ACO2: variants seen among roughly 807,000 people sequenced by gnomAD.
ACO2 encodes aconitate hydratase, mitochondrial.
ACO2 carries 31 observed loss-of-function variants against 84.5 expected under a neutral mutation model. That is an observed-to-expected ratio of 0.37 (90% CI 0.28 to 0.50). The LOEUF (loss-of-function observed/expected upper bound fraction) is 0.50, where lower values mean the gene tolerates loss of function less well. ACO2 is among the 20% of genes least tolerant of loss of function. The pLI is 0.97. For synonymous variants in ACO2, 414 were observed against 412.7 expected (o/e 1.00, Z -0.04); for missense variants, 685 against 1,029.3 (o/e 0.67, Z 4.58).
At chr22:41,525,783 C>T (rs574732047) in intron 14 of ACO2, 8 of 208,192 alleles carry the variant, frequency 3.8e-5, no homozygotes, top group South Asian at 2.1e-4. Context: ...TGTTTGGCAC[C>T]GACCAAAAAC....
At chr22:41,472,871 G>A (rs1023772080) in intron 1 of ACO2, among the ~76,000 whole-genome samples, 7 of 152,164 alleles carry the variant, frequency 4.6e-5, no homozygotes, top group Non-Finnish European at 7.4e-5. Flanking sequence ...TAGGTGTTTG[G>A]TTTTGCCTTG....
At chr22:41,487,204 G>A (rs1160883074) in intron 1 of ACO2, among the ~76,000 whole-genome samples, 2 of 152,116 alleles carry the variant, frequency 1.3e-5, no homozygotes, top group East Asian at 3.8e-4. Flanking sequence ...TCTTTCAGTT[G>A]CAAGTGCTTT....
chr22:41,475,502 C>G (rs897194069), intron 1 of ACO2, among the ~76,000 whole-genome samples: 1 of 152,056 alleles, frequency 6.6e-6, no homozygotes, highest in Non-Finnish European at 1.5e-5. Flanking sequence ...TGACTTGCCT[C>G]GTTTTCCCAG....
rs1363202301 is a variant in ACO2, at chr22:41,527,972, C to A, written c.2158C>A (p.Pro720Thr). 6.2e-7 allele frequency: 1 copy of A among 1,614,102 alleles called. No homozygotes were observed. The highest frequency in any genetic ancestry group is 1.3e-5 in the African/African-American group (1 of 74,952). ...CCCGGCTGACTACAACAAGATTCAC[C>A]CTGTGGACAAGCTGACCATTCAGGG... The part of the protein sequence containing the change: ...ADPADYNKIH[P>T]VDKLTIQGLK... Residue 720 changes from proline to threonine, a missense_variant, in exon 17 of 18, where the codon CCT becomes ACT. Physicochemically the swap from Pro to Thr is conservative, Grantham distance 38 (BLOSUM62 -1). Around this residue, in one of 5 missense-constraint regions of ACO2, gnomAD observed 174 missense variants for 236.6 expected, o/e 0.74. Transcript: ENST00000216254.
At position 41,469,124 on chromosome 22, in the gene ACO2, C is replaced by T. The variant is rs758983585; in HGVS notation, c.-23C>T. 64 of 1,605,892 alleles carry T rather than the reference C, an allele frequency of 4.0e-5. No individual in the cohort carries two copies. Among genetic ancestry groups the T allele is most frequent in the Non-Finnish European group, 5.4e-5 (64 of 1,175,952 alleles). ...CGTGTGGGACGTCACTTTAATGCGA[C>T]CTCATCTTTGTCAGTGCACAAAATG... On this transcript the variant is annotated 5_prime_UTR_variant, in exon 1 of 18. Transcript: ENST00000216254.
intron 1 of ACO2, among the ~76,000 whole-genome samples, chr22:41,493,870 C>G (rs2066292395): frequency 6.6e-6 from 1 of 152,168 alleles, no homozygotes; most frequent in Non-Finnish European, 1.5e-5. Context: ...ACCAGTCTGA[C>G]CAATATGGCA....
chr22:41,517,697 G>A (rs2066486669), intron 7 of ACO2, 66 bp downstream of exon 7: 2 of 1,414,708 alleles, frequency 1.4e-6, no homozygotes, highest in East Asian at 2.3e-5. Context: ...CCAAGACAGA[G>A]CTATGCCTTT....
Position 41,522,960 on chromosome 22 carries a change from C to A in ACO2, c.1269C>A (p.Ile423=). Residue 423 remains isoleucine (I), a synonymous_variant, in exon 10 of 18, where the codon ATC becomes ATA. Coordinates refer to ENST00000216254, the MANE Select transcript of ACO2 (RefSeq NM_001098.3). ...QFTITPGSEQ[I]RATIERDGYA... ...CCATCACTCCAGGTTCCGAGCAGAT[C>A]CGCGCCACCATTGAGCGGGACGGCT... 1 of 1,614,218 alleles carries A rather than the reference C, an allele frequency of 6.2e-7. No individual in the cohort carries two copies. The highest frequency in any genetic ancestry group is 8.5e-7 in the Non-Finnish European group (1 of 1,180,048).
intron 8 of ACO2, 132 bp downstream of exon 8, chr22:41,518,704 C>T: frequency 1.4e-6 from 1 of 692,880 alleles, no homozygotes; most frequent in Admixed American, 2.3e-5. Flanking sequence ...GAGGCCAAGG[C>T]AGGTGGGTCA....
chr22:41,499,879 G>A lies in ACO2; in HGVS notation c.173+17G>A, dbSNP rs890516814. On this transcript the variant is annotated intron_variant, in intron 2 of 17. Coordinates refer to ENST00000216254, the MANE Select transcript of ACO2 (RefSeq NM_001098.3). ...TCGCAAACGGTAAGGCTGCAGATGG[G>A]AGGCTGTGACTGTCAAGGGCATTGC... is the stretch of plus-strand genomic sequence containing the variant. 21 of 1,613,314 alleles carry A rather than the reference G, an allele frequency of 1.3e-5. No homozygotes were observed. The highest frequency in any genetic ancestry group is 1.8e-5 in the Non-Finnish European group (21 of 1,179,532).
At position 41,506,084 on chromosome 22, in the gene ACO2, T is replaced by G. The variant is rs182200093; in HGVS notation, c.174-1707T>G. ...TCAGGTTTGGGCTTTTTTGTTTTTT[T>G]TTTGTTTGTTTGTTTTTATTAGAGA... On this transcript the variant is annotated intron_variant, in intron 2 of 17. Coordinates refer to ENST00000216254, the MANE Select transcript of ACO2 (RefSeq NM_001098.3). 3.4e-3 allele frequency among the ~76,000 whole-genome samples: 520 copies of G among 152,072 alleles called. 3 individuals are homozygous for G. The highest frequency in any genetic ancestry group is 0.024 in the Middle Eastern group (7 of 294).
In ACO2 at chr22:41,523,005, C is replaced by T. The variant is rs200176862; in HGVS notation, c.1296+18C>T. ...ACGGCTATGTGAGTGCCCATATCCCCCTGCCCATCTCCCCCACCCCATGCT... is the reference window on the plus strand; with the variant it reads ...ACGGCTATGTGAGTGCCCATATCCCTCTGCCCATCTCCCCCACCCCATGCT... On this transcript the variant is annotated intron_variant, in intron 10 of 17. Coordinates refer to ENST00000216254, the MANE Select transcript of ACO2 (RefSeq NM_001098.3). 2.3e-4 allele frequency: 378 copies of T among 1,613,344 alleles called. No homozygotes were observed. The East Asian group carries it at 5.0e-3, about 21-fold the overall frequency.
chr22:41,499,166 A>G (rs1428483518), intron 1 of ACO2, among the ~76,000 whole-genome samples: 1 of 152,028 alleles, frequency 6.6e-6, no homozygotes, highest in Non-Finnish European at 1.5e-5. Flanking sequence ...GCTCACGCAC[A>G]GGGTTTTCCT....
chr22:41,527,266 C>G, intron 15 of ACO2, 22 bp from the exon 16 acceptor site: 1 of 1,614,110 alleles, frequency 6.2e-7, no homozygotes, highest in Non-Finnish European at 8.5e-7. Flanking sequence ...GCCTTATAAC[C>G]TTACCCCCGC....
rs1483531414 is a variant in ACO2, at chr22:41,526,160, C to G, written c.1762-102C>G. ...TTGCCTGCCTCTCACCCCTCTGTCA[C>G]CCCTCCTGGGCCCCGGGGCCTGCTG... On this transcript the variant is annotated intron_variant, in intron 14 of 17. Coordinates refer to ENST00000216254, the MANE Select transcript of ACO2 (RefSeq NM_001098.3). 8 of 1,056,890 alleles carry G rather than the reference C, an allele frequency of 7.6e-6. No individual in the cohort carries two copies. In the Middle Eastern group the frequency reaches 9.6e-4, roughly 127 times the overall value. The allele number at this position is 1,056,890 out of a possible 1,614,324, so 65.5% of individuals were successfully genotyped here.
chr22:41,492,161 A>G (rs1174215793), intron 1 of ACO2, among the ~76,000 whole-genome samples: 1 of 152,258 alleles, frequency 6.6e-6, no homozygotes, highest in Non-Finnish European at 1.5e-5. Flanking sequence ...AGTGCTTGGC[A>G]TGGAACAGAT....
intron 1 of ACO2, among the ~76,000 whole-genome samples, chr22:41,483,366 A>T (rs1188164140): frequency 2.6e-5 from 4 of 152,312 alleles, no homozygotes; most frequent in Admixed American, 6.5e-5. Context: ...AGTTATTTTT[A>T]AAAAATATGG....
chr22:41,496,420 G>A (rs1170185429), intron 1 of ACO2, among the ~76,000 whole-genome samples: 1 of 152,032 alleles, frequency 6.6e-6, no homozygotes, highest in South Asian at 2.1e-4. Context: ...GAACGCACAG[G>A]GTAATAATCA....
intron 13 of ACO2, 27 bp from the exon 14 acceptor site, chr22:41,525,166 C>G: frequency 6.2e-7 from 1 of 1,611,142 alleles, no homozygotes; most frequent in Non-Finnish European, 8.5e-7. Flanking sequence ...GACTCAGCAC[C>G]CCACGCATCC....
Sources: gnomAD v4.1 joint callset for allele counts (sites outside exome capture counted in the v4.1 genomes callset) on GRCh38, gnomAD v4.1.1 for gene constraint, gnomAD v4.1.1 regional missense constraint, MANE v1.5 for transcripts, NCBI Gene and HGNC (gene_info 2026-07-23, HGNC 2026-07-21) for gene names.